The following EIF2D variants were observed in gnomAD, a reference collection of about 807,000 sequenced individuals.
The protein encoded by EIF2D is eukaryotic translation initiation factor 2D, also known as hepatocellular carcinoma-associated antigen 56.
A neutral mutation model predicts 77.4 loss-of-function variants in EIF2D; 56 were observed. The ratio of observed to expected loss-of-function variants is 0.72; its 90% CI spans 0.58 to 0.90. The LOEUF (loss-of-function observed/expected upper bound fraction) is 0.90. Ranked by LOEUF, EIF2D falls within the 40% of genes least tolerant of loss-of-function variation. The pLI is 0.00. For missense variants in EIF2D, 574 were observed against 706.5 expected (o/e 0.81, Z 2.13); for synonymous variants, 230 against 271.0 (o/e 0.85, Z 1.49).
At chr1:206,607,209 AAAATT>A (rs1670241999) in intron 4 of EIF2D, among the ~76,000 whole-genome samples, 2 of 152,226 alleles carry the variant, frequency 1.3e-5, no homozygotes, top group Non-Finnish European at 2.9e-5. Flanking sequence ...ATAAAAAAGA[AAAATT>A]AAAAAAAGAA....
chr1:206,593,835 A>C (rs1553409552), intron 13 of EIF2D, 42 bp from the exon 14 acceptor site: 2 of 1,558,636 alleles, frequency 1.3e-6, no homozygotes, highest in Non-Finnish European at 1.7e-6. Flanking sequence ...TGGTGACTGC[A>C]TTCCCTTCCC....
chr1:206,594,748 A>G (rs1669554786), intron 13 of EIF2D: 1 of 152,212 alleles, frequency 6.6e-6, no homozygotes, highest in Admixed American at 6.5e-5. Context: ...AAAATTCACT[A>G]TTTTATGAAG....
At position 206,599,168 on chromosome 1, in the gene EIF2D, C is replaced by A; in HGVS notation, c.1203-76G>T. Reference sequence around the variant, plus strand: ...AAAAATGCAGATGCCCAGACTCACTCCCTGCTGAGCAGGGAACTTTCCTTA... The same window carrying A: ...AAAAATGCAGATGCCCAGACTCACTACCTGCTGAGCAGGGAACTTTCCTTA... On this transcript the variant is annotated intron_variant, in intron 10 of 14. Coordinates refer to ENST00000271764, the MANE Select transcript of EIF2D (RefSeq NM_006893.3). This position sits in a 1 kb window ranked among gnomAD's most constrained non-coding sequence, Gnocchi z 4.1. 2 of 1,397,310 alleles carry A rather than the reference C, an allele frequency of 1.4e-6. No individual in the cohort carries two copies. Among genetic ancestry groups the A allele is most frequent in the African/African-American group, 1.4e-5 (1 of 70,304 alleles). The allele number at this position is 1,397,310 out of a possible 1,614,324, so 86.6% of individuals were successfully genotyped here.
Position 206,603,941 on chromosome 1 carries a change from C to A in EIF2D, c.531-737G>T, listed in dbSNP as rs527650882. Among the ~76,000 whole-genome samples, 6 of 151,880 alleles carry A rather than the reference C, an allele frequency of 4.0e-5. No individual in the cohort carries two copies. The East Asian group carries it at 1.2e-3, about 29-fold the overall frequency. On this transcript the variant is annotated intron_variant, in intron 5 of 14. Transcript: ENST00000271764. ...TTAGGCTATTCTGATCAGGTAAATA[C>A]CATAAATATTTTTTTCAAGGTGCAG... is the stretch of plus-strand genomic sequence containing the variant.
At position 206,592,259 on chromosome 1, in the gene EIF2D, G is replaced by A. The variant is rs781894863; in HGVS notation, c.1685-414C>T. On this transcript the variant is annotated intron_variant, in intron 14 of 14. Coordinates refer to ENST00000271764, the MANE Select transcript of EIF2D (RefSeq NM_006893.3). This position sits in a 1 kb window ranked among gnomAD's most constrained non-coding sequence, Gnocchi z 4.7. Reference sequence around the variant, plus strand: ...CCGCCAGGCCCTGAGGATGAAAAAGGCAAGGTTTCTGGCTCATGCAGCTCA... The same window carrying A: ...CCGCCAGGCCCTGAGGATGAAAAAGACAAGGTTTCTGGCTCATGCAGCTCA... 2.0e-5 allele frequency among the ~76,000 whole-genome samples: 3 copies of A among 152,224 alleles called. No homozygotes were observed. The highest frequency in any genetic ancestry group is 4.4e-5 in the Non-Finnish European group (3 of 68,046).
Position 206,599,426 on chromosome 1 carries a change from C to A in EIF2D, c.1202+37G>T. The A allele has an allele frequency of 1.2e-6, 2 of 1,608,926 alleles. No homozygotes were observed. The highest frequency in any genetic ancestry group is 8.5e-7 in the Non-Finnish European group (1 of 1,178,126). ...TGAGAGGAACTGTAGGCCAGAACAC[C>A]AAGCAGGCAGAGAAGGGCTGCTCTC... On this transcript the variant is annotated intron_variant, in intron 10 of 14. Transcript: ENST00000271764. The surrounding 1 kb of genome is among the most constrained non-coding windows in gnomAD (Gnocchi z 4.1).
At position 206,611,455 on chromosome 1, in the gene EIF2D, C is replaced by T. The variant is rs550369421; in HGVS notation, c.57-81G>A. 6.2e-5 allele frequency: 76 copies of T among 1,230,928 alleles called. 3 individuals carry two copies. The South Asian group carries it at 1.1e-3, about 18-fold the overall frequency. 76.3% of individuals were successfully genotyped at this position (1,230,928 alleles called of 1,614,324 possible). A position where few individuals can be genotyped will look rare whatever the true frequency, so the allele number is the denominator to read the frequency against. On this transcript the variant is annotated intron_variant, in intron 1 of 14. Coordinates refer to ENST00000271764, the MANE Select transcript of EIF2D (RefSeq NM_006893.3). ...TCAAGAACGAACTCAAAAGTGCTCACTATAAAATCACAAGGGCCAAAGAAA... is the reference window on the plus strand; with the variant it reads ...TCAAGAACGAACTCAAAAGTGCTCATTATAAAATCACAAGGGCCAAAGAAA...
intron 11 of EIF2D, 48 bp from the exon 12 acceptor site, chr1:206,597,243 T>C (rs1442297490): frequency 7.0e-7 from 1 of 1,421,972 alleles, no homozygotes; most frequent in African/African-American, 1.4e-5. Context: ...TTGTCCCTTC[T>C]GACCTGAAGG....
chr1:206,584,192 GGATCCTGA>G lies in EIF2D; in HGVS notation c.139-3038_139-3031del, dbSNP rs1381132030. On this transcript the variant is annotated intron_variant and NMD_transcript_variant, in intron 2 of 5. Transcript: ENST00000472709. This position sits in a 1 kb window ranked among gnomAD's most constrained non-coding sequence, Gnocchi z 4.9. ...GCCCCACAGGTCCTCTTTGGTAGCT[GGATCCTGA>G]GGGTCTTCTCCCAGCCCACTATGGG... 1.3e-5 allele frequency among the ~76,000 whole-genome samples: 2 copies of G among 152,182 alleles called. No individual in the cohort carries two copies. Among genetic ancestry groups the G allele is most frequent in the Non-Finnish European group, 2.9e-5 (2 of 68,026 alleles).
intron 14 of EIF2D, 23 bp from the exon 15 acceptor site, chr1:206,591,868 T>TC: frequency 6.2e-7 from 1 of 1,613,432 alleles, no homozygotes; most frequent in East Asian, 2.2e-5. Context: ...AAGCACACAC[T>TC]CCTCAGCGGA....
chr1:206,593,508 AGT>A (rs782562616), intron 14 of EIF2D, 109 bp downstream of exon 14: 16,700 of 391,478 alleles, frequency 0.043, 72 homozygotes, highest in Non-Finnish European at 0.05. Flanking sequence ...AGAGAGAGAG[AGT>A]GTGTGTGTGT....
intron 6 of EIF2D, chr1:206,602,746 T>C: frequency 3.8e-6 from 3 of 783,172 alleles, no homozygotes; most frequent in Non-Finnish European, 6.0e-6. Context: ...CCAGGGCAGA[T>C]TAGCTCCCAG....
downstream of EIF2D, chr1:206,587,051 C>G: frequency 1.3e-6 from 2 of 1,558,016 alleles, no homozygotes; most frequent in Non-Finnish European, 1.7e-6. Context: ...GCAACAGACA[C>G]TTTTTCTCAG....
chr1:206,595,079 T>C (rs567180103), intron 13 of EIF2D: 1 of 152,194 alleles, frequency 6.6e-6, no homozygotes, highest in Non-Finnish European at 1.5e-5. Context: ...TGAAGTAACA[T>C]GCTCAAGGTC....
At chr1:206,574,054 G>A (rs879961874) in intron 4 of EIF2D, among the ~76,000 whole-genome samples, 1 of 152,198 alleles carries the variant, frequency 6.6e-6, no homozygotes, top group Non-Finnish European at 1.5e-5. Context: ...GACTACTGTC[G>A]GTTTTTAATA....
intron 13 of EIF2D, 41 bp from the exon 14 acceptor site, chr1:206,593,834 C>T (rs192630105): frequency 3.0e-4 from 475 of 1,558,500 alleles, no homozygotes; most frequent in Non-Finnish European, 1.4e-4. Context: ...GTGGTGACTG[C>T]ATTCCCTTCC....
At position 206,608,282 on chromosome 1, in the gene EIF2D, G is replaced by T. The variant is rs1670298150; in HGVS notation, c.376C>A (p.Gln126Lys). ...GLVMPPAGLP[Q>K]VQKGDLCAIS... Reference sequence around the variant, plus strand: ...GCACAGAGGTCGCCCTTCTGTACCTGAGGCAGACCAGCAGGGGGCATCACC... The same window carrying T: ...GCACAGAGGTCGCCCTTCTGTACCTTAGGCAGACCAGCAGGGGGCATCACC... Residue 126 changes from glutamine to lysine, a missense_variant, in exon 4 of 15, where the codon CAG becomes AAG. Physicochemically the swap from Gln to Lys is moderately conservative, Grantham distance 53 (BLOSUM62 1). Coordinates refer to ENST00000271764, the MANE Select transcript of EIF2D (RefSeq NM_006893.3). 1 of 1,613,532 alleles carries T rather than the reference G, an allele frequency of 6.2e-7. No homozygotes were observed. The highest frequency in any genetic ancestry group is 8.5e-7 in the Non-Finnish European group (1 of 1,179,744).
chr1:206,583,377 C>A, intron 2 of EIF2D: 1 of 1,604,122 alleles, frequency 6.2e-7, no homozygotes, highest in Non-Finnish European at 8.5e-7. Context: ...GGGCATGAAA[C>A]TGGTAAGCGC....
chr1:206,583,198 A>G, intron 2 of EIF2D: 1 of 966,522 alleles, frequency 1.0e-6, no homozygotes, highest in Non-Finnish European at 1.7e-6. Context: ...GGCTTTGGGG[A>G]GGGCGTGGTT....
Sources: gnomAD v4.1 joint callset for allele counts (sites outside exome capture counted in the v4.1 genomes callset) on GRCh38, gnomAD v4.1.1 for gene constraint, Gnocchi (gnomAD v3.1) non-coding constraint, MANE v1.5 for transcripts, NCBI Gene and HGNC (gene_info 2026-07-23, HGNC 2026-07-21) for gene names.